The following SMG6 variants were observed in gnomAD, a reference collection of about 807,000 sequenced individuals.
The protein encoded by SMG6 is SMG6 nonsense mediated mRNA decay factor.
A neutral mutation model predicts 142.2 loss-of-function variants in SMG6; 66 were observed. That is an observed-to-expected ratio of 0.46 (90% CI 0.38 to 0.57). The LOEUF (loss-of-function observed/expected upper bound fraction) is 0.57, where lower values mean the gene tolerates loss of function less well. SMG6 is among the 20% of genes least tolerant of loss of function. The pLI is 0.00. For missense variants in SMG6, 1,793 were observed against 1,832.0 expected (o/e 0.98, Z 0.39); for synonymous variants, 779 against 702.4 (o/e 1.11, Z -1.72).
intron 13 of SMG6, among the ~76,000 whole-genome samples, chr17:2,121,641 G>A (rs1160196659): frequency 2.6e-5 from 2 of 75,760 alleles, no homozygotes; most frequent in Non-Finnish European, 5.7e-5. Flanking sequence ...GTGTGTGTGT[G>A]TGTGTAGAGA....
intron 10 of SMG6, among the ~76,000 whole-genome samples, chr17:2,197,581 G>C (rs188839051): frequency 6.0e-5 from 9 of 150,492 alleles, no homozygotes; most frequent in Non-Finnish European, 1.2e-4. Flanking sequence ...AACACATAAA[G>C]AAAAATAAAC....
rs1023350799 is a variant in SMG6 at position 2,092,133 on chromosome 17, G to A, written c.3358-6232C>T. Among the ~76,000 whole-genome samples the A allele has an allele frequency of 4.6e-5, 7 of 152,076 alleles. No individual in the cohort carries two copies. The East Asian group carries it at 7.7e-4, about 17-fold the overall frequency. ...CCTGAGTAGCTGGGATTACAGGTGC[G>A]CACTACCATGCCTGGCTAATTTATG... On this transcript the variant is annotated intron_variant, in intron 13 of 18. Transcript: ENST00000263073.
chr17:2,170,602 G>C (rs2071473147), intron 13 of SMG6, among the ~76,000 whole-genome samples: 1 of 152,218 alleles, frequency 6.6e-6, no homozygotes, highest in South Asian at 2.1e-4. Context: ...TTCCCATTCT[G>C]AGACTAGAAG....
chr17:2,148,278 C>T (rs2070728283), intron 13 of SMG6, among the ~76,000 whole-genome samples: 1 of 152,084 alleles, frequency 6.6e-6, no homozygotes, highest in African/African-American at 2.4e-5. Flanking sequence ...GGGTATACAC[C>T]CAAAAGAATT....
intron 8 of SMG6, among the ~76,000 whole-genome samples, chr17:2,277,155 TTA>T (rs1567740182): frequency 2.4e-5 from 2 of 81,966 alleles, no homozygotes; most frequent in African/African-American, 1.2e-4. Context: ...ATTTATTTAT[TTA>T]TTTATTTATT....
chr17:2,099,007 T>A (rs867766415), intron 13 of SMG6, among the ~76,000 whole-genome samples: 1 of 152,158 alleles, frequency 6.6e-6, no homozygotes, highest in Non-Finnish European at 1.5e-5. Flanking sequence ...CGTGTTTTTT[T>A]CTCCTAAGTA....
At chr17:2,138,835 T>C (rs2070385125) in intron 13 of SMG6, among the ~76,000 whole-genome samples, 1 of 152,224 alleles carries the variant, frequency 6.6e-6, no homozygotes, top group Non-Finnish European at 1.5e-5. Flanking sequence ...AGCAATTAAG[T>C]GAAGATAAAT....
At chr17:2,211,212 TAAG>T (rs1454933424) in intron 10 of SMG6, among the ~76,000 whole-genome samples, 2 of 151,608 alleles carry the variant, frequency 1.3e-5, no homozygotes, top group African/African-American at 2.4e-5. Context: ...TCATAAAAAA[TAAG>T]AAAAAATACA....
At chr17:2,256,963 T>C (rs1349682409) in intron 8 of SMG6, among the ~76,000 whole-genome samples, 2 of 151,954 alleles carry the variant, frequency 1.3e-5, no homozygotes, top group Non-Finnish European at 2.9e-5. Flanking sequence ...TATGTATGTA[T>C]GTATGTATGT....
chr17:2,151,027 G>A (rs1325053757), intron 13 of SMG6, among the ~76,000 whole-genome samples: 1 of 152,206 alleles, frequency 6.6e-6, no homozygotes, highest in African/African-American at 2.4e-5. Flanking sequence ...GAACAAAAAT[G>A]CTTCACACCT....
chr17:2,269,652 C>CA (rs1420563513), intron 8 of SMG6, among the ~76,000 whole-genome samples: 4 of 152,064 alleles, frequency 2.6e-5, no homozygotes, highest in Non-Finnish European at 5.9e-5. Flanking sequence ...CCACGTATTC[C>CA]AACTCAGAAA....
chr17:2,187,513 C>T (rs961290254), intron 11 of SMG6, among the ~76,000 whole-genome samples: 1 of 152,004 alleles, frequency 6.6e-6, no homozygotes, highest in Admixed American at 6.6e-5. Flanking sequence ...AATATAGAGT[C>T]AAGTATTTGG....
At position 2,142,845 on chromosome 17, in the gene SMG6, G is replaced by A. The variant is rs184796299; in HGVS notation, c.3357+29813C>T. On this transcript the variant is annotated intron_variant, in intron 13 of 18. Transcript: ENST00000263073. ...GGAGGTTGCGGTGAGCCAAGATTGC[G>A]CCATTGCACTCCAGCCTGGGCAACA... Among the ~76,000 whole-genome samples the A allele has an allele frequency of 6.5e-5, 9 of 138,490 alleles. No homozygotes were observed. In the South Asian group the frequency reaches 1.3e-3, roughly 20 times the overall value. The allele number at this position is 138,490 out of a possible 152,430, so 90.9% of individuals were successfully genotyped here. A position where few individuals can be genotyped will look rare whatever the true frequency, so the allele number is the denominator to read the frequency against.
At chr17:2,262,334 T>G (rs370972887) in intron 8 of SMG6, among the ~76,000 whole-genome samples, 1 of 152,234 alleles carries the variant, frequency 6.6e-6, no homozygotes, top group African/African-American at 2.4e-5. Context: ...AAAGAACTAT[T>G]TGAAGGATTC....
chr17:2,283,231 C>T (rs1567746433), intron 7 of SMG6, among the ~76,000 whole-genome samples: 1 of 152,112 alleles, frequency 6.6e-6, no homozygotes, highest in Admixed American at 6.6e-5. Flanking sequence ...AAGAGAAAAG[C>T]CTCACCTCAC....
chr17:2,205,891 CTCT>C (rs1358580762), intron 10 of SMG6, among the ~76,000 whole-genome samples: 1 of 152,168 alleles, frequency 6.6e-6, no homozygotes, highest in Non-Finnish European at 1.5e-5. Context: ...TCACTGCAAC[CTCT>C]GCCTCCCGAG....
chr17:2,216,800 A>G (rs1307885789), intron 10 of SMG6, among the ~76,000 whole-genome samples: 2 of 152,204 alleles, frequency 1.3e-5, no homozygotes, highest in Non-Finnish European at 2.9e-5. Context: ...TTATGAAGCT[A>G]AAATAATTCC....
chr17:2,203,287 T>C (rs1316254230), intron 10 of SMG6, among the ~76,000 whole-genome samples: 2 of 152,202 alleles, frequency 1.3e-5, no homozygotes, highest in East Asian at 1.9e-4. Flanking sequence ...AGTTATTCAA[T>C]ACACATCCCC....
At chr17:2,114,875 C>A (rs540917836) in intron 13 of SMG6, among the ~76,000 whole-genome samples, 1 of 131,088 alleles carries the variant, frequency 7.6e-6, no homozygotes. Context: ...GTTGTGGAGT[C>A]GAAATCGTGC....
Sources: gnomAD v4.1 joint callset for allele counts (sites outside exome capture counted in the v4.1 genomes callset) on GRCh38, gnomAD v4.1.1 for gene constraint, MANE v1.5 for transcripts, NCBI Gene and HGNC (gene_info 2026-07-23, HGNC 2026-07-21) for gene names.